The following PTPRK variants were observed in gnomAD, a reference collection of about 807,000 sequenced individuals.
PTPRK encodes receptor-type tyrosine-protein phosphatase kappa.
PTPRK carries 75 observed loss-of-function variants against 178.0 expected under a neutral mutation model. That is an observed-to-expected ratio of 0.42 (90% confidence interval 0.35 to 0.51). The LOEUF (loss-of-function observed/expected upper bound fraction) is 0.51, where lower values mean the gene tolerates loss of function less well. Ranked by LOEUF, PTPRK falls within the 20% of genes least tolerant of loss-of-function variation. The pLI is 0.02. For missense variants in PTPRK, 1,441 were observed against 1,797.8 expected (o/e 0.80, Z 3.59); for synonymous variants, 637 against 620.6 (o/e 1.03, Z -0.39).
intron 5 of PTPRK, among the ~76,000 whole-genome samples, chr6:128,224,689 G>A (rs1326076072): frequency 4.6e-5 from 7 of 152,104 alleles, no homozygotes; most frequent in Non-Finnish European, 8.8e-5. Flanking sequence ...ATGGGGTATC[G>A]GTCCATATTC....
intron 3 of PTPRK, among the ~76,000 whole-genome samples, chr6:128,267,624 T>G (rs1184961950): frequency 1.3e-5 from 2 of 152,092 alleles, no homozygotes. Flanking sequence ...TATTGAGTAA[T>G]TGACTAAACA....
intron 1 of PTPRK, among the ~76,000 whole-genome samples, chr6:128,513,493 A>AG (rs1554287240): frequency 2.7e-5 from 4 of 150,346 alleles, no homozygotes; most frequent in African/African-American, 4.9e-5. Flanking sequence ...CAAAAAAAAA[A>AG]AAAGAAAGAA....
intron 1 of PTPRK, among the ~76,000 whole-genome samples, chr6:128,414,938 A>G (rs1044092464): frequency 3.9e-5 from 6 of 152,174 alleles, no homozygotes; most frequent in African/African-American, 1.2e-4. Context: ...AAAAGTTCTC[A>G]TTTTACACCT....
chr6:128,424,013 G>C (rs988935395), intron 1 of PTPRK, among the ~76,000 whole-genome samples: 22 of 149,858 alleles, frequency 1.5e-4, no homozygotes, highest in Non-Finnish European at 2.8e-4. Context: ...TTGAGGCCAG[G>C]AGTCAAGATC....
In PTPRK at chr6:128,488,532, A is replaced by C. The variant is rs370919332; in HGVS notation, c.100+31727T>G. On this transcript the variant is annotated intron_variant, in intron 1 of 29. Transcript: ENST00000368226. ...CTGGGCATCCACAAGCCAGATGCCTACTCTCTAGGAGCCAATAGAATACGC... is the reference window on the plus strand; with the variant it reads ...CTGGGCATCCACAAGCCAGATGCCTCCTCTCTAGGAGCCAATAGAATACGC... 2.6e-5 allele frequency among the ~76,000 whole-genome samples: 4 copies of C among 152,202 alleles called. No homozygotes were observed. In the South Asian group the frequency reaches 6.2e-4, roughly 24 times the overall value.
At chr6:128,125,809 C>T (rs1793268688) in intron 7 of PTPRK, among the ~76,000 whole-genome samples, 1 of 151,710 alleles carries the variant, frequency 6.6e-6, no homozygotes, top group Non-Finnish European at 1.5e-5. Flanking sequence ...AGGGTTTCAC[C>T]ATGCTGGCCA....
At position 127,970,364 on chromosome 6, in the gene PTPRK, A is replaced by G. The variant is rs909355473; in HGVS notation, c.4270-84T>C. 21 of 1,058,868 alleles carry G rather than the reference A, an allele frequency of 2.0e-5. No individual in the cohort carries two copies. The African/African-American group carries it at 3.0e-4, about 15-fold the overall frequency. 65.6% of individuals were successfully genotyped at this position (1,058,868 alleles called of 1,614,324 possible). ...AACAGTTACCAAATGAAACTTGACAACCAATTTAGATTACTCAAGGATTAC... is the reference window on the plus strand; with the variant it reads ...AACAGTTACCAAATGAAACTTGACAGCCAATTTAGATTACTCAAGGATTAC... On this transcript the variant is annotated intron_variant, in intron 29 of 29. Transcript: ENST00000368226.
At chr6:128,134,086 T>C (rs1794663850) in intron 7 of PTPRK, among the ~76,000 whole-genome samples, 1 of 152,196 alleles carries the variant, frequency 6.6e-6, no homozygotes, top group Non-Finnish European at 1.5e-5. Flanking sequence ...ATCAAATAAA[T>C]ATATTTACCA....
chr6:128,389,698 G>C (rs1839285606), intron 2 of PTPRK, among the ~76,000 whole-genome samples: 1 of 151,580 alleles, frequency 6.6e-6, no homozygotes, highest in African/African-American at 2.4e-5. Context: ...TCATCTAGGA[G>C]GTTGGAAGTT....
At chr6:128,411,727 AAC>A (rs1387703867) in intron 1 of PTPRK, among the ~76,000 whole-genome samples, 5 of 152,246 alleles carry the variant, frequency 3.3e-5, no homozygotes, top group African/African-American at 1.2e-4. Context: ...AAAATTACTT[AAC>A]ACAGTTCACA....
intron 24 of PTPRK, 61 bp downstream of exon 24, chr6:127,982,770 T>C: frequency 1.4e-6 from 2 of 1,464,724 alleles, no homozygotes; most frequent in Non-Finnish European, 1.9e-6. Flanking sequence ...CTTGAAAGGA[T>C]TCCTAGCGCC....
At chr6:128,029,092 G>C (rs1774829339) in intron 13 of PTPRK, among the ~76,000 whole-genome samples, 1 of 152,128 alleles carries the variant, frequency 6.6e-6, no homozygotes, top group Non-Finnish European at 1.5e-5. Context: ...GATGGGACTT[G>C]GTGGGAGGTT....
intron 7 of PTPRK, among the ~76,000 whole-genome samples, chr6:128,175,020 G>C (rs1220845113): frequency 6.6e-6 from 1 of 151,848 alleles, no homozygotes; most frequent in East Asian, 1.9e-4. Flanking sequence ...GTGAGCTACT[G>C]TAATCATAAT....
chr6:127,995,625 G>A, intron 17 of PTPRK, 87 bp from the exon 18 acceptor site: 1 of 789,252 alleles, frequency 1.3e-6, no homozygotes, highest in Non-Finnish European at 2.0e-6. Flanking sequence ...AGAATTCAGT[G>A]GTTGCCCATA....
chr6:128,293,356 C>G (rs1284965009), intron 3 of PTPRK, among the ~76,000 whole-genome samples: 1 of 152,042 alleles, frequency 6.6e-6, no homozygotes, highest in South Asian at 2.1e-4. Flanking sequence ...AGGAGAAATG[C>G]TGTGTTTTCA....
chr6:128,159,813 C>A (rs963943331), intron 7 of PTPRK, among the ~76,000 whole-genome samples: 3 of 151,686 alleles, frequency 2.0e-5, no homozygotes, highest in Non-Finnish European at 2.9e-5. Context: ...TGTAAGCTAT[C>A]AATCACTTCC....
chr6:128,248,816 G>T (rs1815944327), intron 3 of PTPRK, among the ~76,000 whole-genome samples: 1 of 152,088 alleles, frequency 6.6e-6, no homozygotes, highest in Non-Finnish European at 1.5e-5. Flanking sequence ...ATGGGATCAA[G>T]GAAAGGTTCA....
At chr6:128,517,470 G>A (rs1858251088) in intron 1 of PTPRK, among the ~76,000 whole-genome samples, 3 of 152,106 alleles carry the variant, frequency 2.0e-5, no homozygotes, top group Admixed American at 2.0e-4. Flanking sequence ...ATTCTTCTAT[G>A]CCTCGGTTTC....
chr6:128,047,325 A>G (rs1778216844), intron 13 of PTPRK, among the ~76,000 whole-genome samples: 3 of 152,216 alleles, frequency 2.0e-5, no homozygotes, highest in Non-Finnish European at 2.9e-5. Flanking sequence ...TGAGTAAATA[A>G]TAATCTGACT....
Sources: gnomAD v4.1 joint callset for allele counts (sites outside exome capture counted in the v4.1 genomes callset) on GRCh38, gnomAD v4.1.1 for gene constraint, MANE v1.5 for transcripts, NCBI Gene and HGNC (gene_info 2026-07-23, HGNC 2026-07-21) for gene names.